THADA: variants seen among roughly 807,000 people sequenced by gnomAD.
The protein encoded by THADA is tRNA (32-2'-O)-methyltransferase regulator THADA.
A neutral mutation model predicts 219.8 loss-of-function variants in THADA; 213 were observed. That is an observed-to-expected ratio of 0.97 (90% CI 0.87 to 1.09). The LOEUF is 1.09. Ranked by LOEUF, THADA falls within the 50% of genes least tolerant of loss-of-function variation. The pLI is 0.00. For missense variants in THADA, 2,956 were observed against 2,311.3 expected (o/e 1.28, Z -5.72); for synonymous variants, 1,018 against 828.9 (o/e 1.23, Z -3.92).
chr2:43,340,747 TC>T (rs1666974359), intron 30 of THADA, among the ~76,000 whole-genome samples: 1 of 152,344 alleles, frequency 6.6e-6, no homozygotes, highest in Admixed American at 6.5e-5. Flanking sequence ...TAAAAAAGCC[TC>T]TTCAGTAGTT....
chr2:43,504,227 G>A (rs1038795811), intron 24 of THADA, among the ~76,000 whole-genome samples: 25 of 151,920 alleles, frequency 1.6e-4, no homozygotes, highest in Non-Finnish European at 5.9e-5. Context: ...GATCATTTTT[G>A]AATGGTGATT....
At chr2:43,490,196 C>G (rs1175112246) in intron 25 of THADA, among the ~76,000 whole-genome samples, 1 of 152,096 alleles carries the variant, frequency 6.6e-6, no homozygotes, top group East Asian at 1.9e-4. Context: ...GACCTTTTGT[C>G]CTGAAACCTT....
rs1170096470 is a variant in THADA at position 43,582,025 on chromosome 2, A to C, written c.534-97T>G. On this transcript the variant is annotated intron_variant, in intron 7 of 37. Coordinates refer to ENST00000405975, the MANE Select transcript of THADA (RefSeq NM_022065.5). ...AAATAAATACATTCCTCAAAGGCCC[A>C]AAATCAATTTTAAATTATGATAATT... The C allele has an allele frequency of 6.0e-6, 5 of 838,938 alleles. No individual in the cohort carries two copies. In the Admixed American group the frequency reaches 1.0e-4, roughly 17 times the overall value. The allele number at this position is 838,938 out of a possible 1,614,324, so 52.0% of individuals were successfully genotyped here.
Position 43,430,281 on chromosome 2 carries a change from G to T in THADA, c.3858C>A (p.Phe1286Leu). ...AAGGATAGAGTTCTGGGAAACGAGA[G>T]AAAAACTCTCTCCCTGTCATTCTGT... Reference protein sequence around the residue: ...KTNRMTGREFFSRFPELYPFL... With the variant: ...KTNRMTGREFLSRFPELYPFL... Residue 1286 changes from phenylalanine (F) to leucine (L), a missense_variant, in exon 27 of 38, where the codon TTC becomes TTA. Transcript: ENST00000405975. The T allele has an allele frequency of 6.5e-7, 1 of 1,548,632 alleles. No individual in the cohort carries two copies. The highest frequency in any genetic ancestry group is 8.7e-7 in the Non-Finnish European group (1 of 1,145,610).
chr2:43,422,576 AT>A (rs1196184778), intron 28 of THADA, among the ~76,000 whole-genome samples: 2 of 152,122 alleles, frequency 1.3e-5, no homozygotes, highest in African/African-American at 4.8e-5. Context: ...TCACCAAGAT[AT>A]TTTTTCCCCC....
intron 22 of THADA, among the ~76,000 whole-genome samples, chr2:43,512,045 T>G (rs13419380): frequency 0.14 from 21,353 of 152,204 alleles, 2,000 homozygotes; most frequent in African/African-American, 0.26. Flanking sequence ...TATTGCATAC[T>G]AAGAACCAAA....
At chr2:43,548,854 G>A (rs575596952) in intron 20 of THADA, among the ~76,000 whole-genome samples, 47 of 152,280 alleles carry the variant, frequency 3.1e-4, no homozygotes, top group Middle Eastern at 3.4e-3. Context: ...GCTTCGGCTC[G>A]CGCATGGTGC....
chr2:43,312,183 C>T (rs1415330980), intron 31 of THADA, among the ~76,000 whole-genome samples: 1 of 149,780 alleles, frequency 6.7e-6, no homozygotes, highest in East Asian at 1.9e-4. Context: ...TGTGCCACTG[C>T]ACTCCAGCCT....
intron 29 of THADA, among the ~76,000 whole-genome samples, chr2:43,395,377 T>G (rs1198107349): frequency 6.6e-6 from 1 of 152,238 alleles, no homozygotes; most frequent in Non-Finnish European, 1.5e-5. Context: ...TGATAATTTT[T>G]GAGCCACAAT....
chr2:43,235,362 C>T (rs902099049), intron 36 of THADA, among the ~76,000 whole-genome samples: 8 of 152,134 alleles, frequency 5.3e-5, no homozygotes, highest in South Asian at 2.1e-4. Context: ...GGCACCATCT[C>T]GGCTCACCGC....
chr2:43,505,800 C>A, intron 23 of THADA, 65 bp from the exon 24 acceptor site: 1 of 1,154,026 alleles, frequency 8.7e-7, no homozygotes, highest in South Asian at 1.4e-5. Flanking sequence ...TGCTGCTTCC[C>A]TGGATCAATC....
intron 29 of THADA, among the ~76,000 whole-genome samples, chr2:43,391,463 A>G (rs1434738181): frequency 1.3e-5 from 2 of 152,186 alleles, no homozygotes; most frequent in African/African-American, 4.8e-5. Context: ...ACCAAATAAA[A>G]GCTTTTGGAT....
chr2:43,593,734 G>C lies in THADA; in HGVS notation c.-24-1318C>G, dbSNP rs568782553. ...CTGCAAGCTCAGCCTCCTGGGTTCA[G>C]GCCATTCTCCTGCCTCAGCCTCCCG... On this transcript the variant is annotated intron_variant, in intron 1 of 37. Transcript: ENST00000405975. Among the ~76,000 whole-genome samples the C allele has an allele frequency of 2.7e-5, 4 of 150,772 alleles. No individual in the cohort carries two copies. In the East Asian group the frequency reaches 5.9e-4, roughly 22 times the overall value.
rs992126127 is a variant in THADA, at chr2:43,590,918, T to G, written c.208A>C (p.Met70Leu). ...PLLEKADKNG[M>L]CDPTIQSCLD... ...CAACTTTGAATAGTGGGATCACACA[T>G]GCCATTTTTATCTGCTTTCTCCAGC... Residue 70 changes from methionine to leucine, a missense_variant, in exon 4 of 38, where the codon ATG becomes CTG. Transcript: ENST00000405975. 34 of 1,613,794 alleles carry G rather than the reference T, an allele frequency of 2.1e-5. No individual in the cohort carries two copies. Among genetic ancestry groups the G allele is most frequent in the Non-Finnish European group, 2.9e-5 (34 of 1,179,766 alleles).
intron 36 of THADA, among the ~76,000 whole-genome samples, chr2:43,236,834 G>C (rs896154341): frequency 6.6e-6 from 1 of 151,394 alleles, no homozygotes; most frequent in African/African-American, 2.4e-5. Flanking sequence ...GGCCGAGGCG[G>C]GTGGATCATG....
chr2:43,353,285 G>A (rs537660618), intron 29 of THADA, among the ~76,000 whole-genome samples: 67 of 152,220 alleles, frequency 4.4e-4, no homozygotes, highest in African/African-American at 1.6e-3. Flanking sequence ...ATCAATCTGC[G>A]TGCCCACTCA....
chr2:43,473,433 G>A (rs761270948), intron 26 of THADA, among the ~76,000 whole-genome samples: 4 of 151,964 alleles, frequency 2.6e-5, no homozygotes, highest in Non-Finnish European at 5.9e-5. Flanking sequence ...CTATGAGAAC[G>A]ACACCCTCTT....
chr2:43,431,177 CATGTT>C (rs1390341192), intron 26 of THADA, among the ~76,000 whole-genome samples: 2 of 152,122 alleles, frequency 1.3e-5, no homozygotes, highest in African/African-American at 4.8e-5. Flanking sequence ...ATCAGCTCTA[CATGTT>C]ATGTTCCTAT....
chr2:43,406,156 G>A (rs1248474952), intron 28 of THADA, among the ~76,000 whole-genome samples: 2 of 152,184 alleles, frequency 1.3e-5, no homozygotes, highest in African/African-American at 4.8e-5. Flanking sequence ...AACCTGACGT[G>A]GCAGAAACAC....
Sources: allele counts gnomAD v4.1 joint callset (sites outside exome capture counted in the v4.1 genomes callset), GRCh38; gene constraint gnomAD v4.1.1; transcripts MANE v1.5; gene names NCBI Gene and HGNC (gene_info 2026-07-23, HGNC 2026-07-21).